Variants in PPIL6 observed in about 807,000 individuals in gnomAD.
PPIL6 encodes probable inactive peptidyl-prolyl cis-trans isomerase-like 6.
PPIL6 carries 39 observed loss-of-function variants against 36.8 expected under a neutral mutation model. That is an observed-to-expected ratio of 1.06 (90% CI 0.82 to 1.38). The LOEUF is 1.38. Among genes scored for constraint, PPIL6 ranks in the 40% most tolerant of loss-of-function variants. The pLI is 0.00. For synonymous variants in PPIL6, 123 were observed against 134.1 expected (o/e 0.92, Z 0.57); for missense variants, 368 against 379.1 (o/e 0.97, Z 0.24).
chr6:109,414,477 C>CTTTTTTTTT (rs146541023), intron 6 of PPIL6, among the ~76,000 whole-genome samples: 11 of 86,542 alleles, frequency 1.3e-4, no homozygotes, highest in East Asian at 3.3e-4. Context: ...TGTCTTTTAG[C>CTTTTTTTTT]TTTTTTTTTT....
chr6:109,428,576 C>T (rs1433972397), intron 3 of PPIL6, among the ~76,000 whole-genome samples: 1 of 149,566 alleles, frequency 6.7e-6, no homozygotes, highest in Non-Finnish European at 1.5e-5. Flanking sequence ...AAAAAACCAC[C>T]TTATTGAGCA....
intron 6 of PPIL6, among the ~76,000 whole-genome samples, chr6:109,411,978 G>A (rs1271314082): frequency 1.3e-5 from 2 of 152,128 alleles, no homozygotes; most frequent in African/African-American, 2.4e-5. Context: ...CTCCAGAGGT[G>A]GGGCTCAGAT....
chr6:109,393,858 C>G (rs113761688), intron 7 of PPIL6, among the ~76,000 whole-genome samples: 67 of 152,308 alleles, frequency 4.4e-4, no homozygotes, highest in African/African-American at 1.5e-3. Flanking sequence ...GGGAAGTTTC[C>G]CAGGCCACCT....
intron 1 of PPIL6, among the ~76,000 whole-genome samples, chr6:109,438,912 G>T (rs1205749191): frequency 1.3e-5 from 2 of 152,142 alleles, no homozygotes; most frequent in Non-Finnish European, 2.9e-5. Context: ...AAAATCAAAA[G>T]AATTGTATTT....
chr6:109,435,908 G>C (rs1473682747), intron 2 of PPIL6, among the ~76,000 whole-genome samples, 196 bp downstream of exon 2: 1 of 152,154 alleles, frequency 6.6e-6, no homozygotes, highest in Non-Finnish European at 1.5e-5. Context: ...CTGGGTAACA[G>C]AGTGAGACCC....
intron 6 of PPIL6, among the ~76,000 whole-genome samples, chr6:109,418,548 CTTT>C (rs796535898): frequency 1.5e-5 from 2 of 135,900 alleles, no homozygotes; most frequent in Non-Finnish European, 1.6e-5. Context: ...ATCTTTTTTT[CTTT>C]TTTTTTTTTT....
chr6:109,430,353 C>G (rs1264960290), intron 3 of PPIL6, among the ~76,000 whole-genome samples: 5 of 152,196 alleles, frequency 3.3e-5, no homozygotes, highest in Non-Finnish European at 7.3e-5. Context: ...CCTCATGCTT[C>G]ATGACTATCC....
intron 7 of PPIL6, among the ~76,000 whole-genome samples, chr6:109,396,263 A>C (rs918771888): frequency 6.6e-6 from 1 of 151,874 alleles, no homozygotes; most frequent in Non-Finnish European, 1.5e-5. Context: ...TTCATTCCTC[A>C]CTTCTGCTAA....
At chr6:109,412,825 A>G (rs1773071116) in intron 6 of PPIL6, among the ~76,000 whole-genome samples, 1 of 152,204 alleles carries the variant, frequency 6.6e-6, no homozygotes, top group Non-Finnish European at 1.5e-5. Context: ...AAATGGGATC[A>G]TATCAAGTTA....
chr6:109,417,537 C>G (rs1046478976), intron 6 of PPIL6, among the ~76,000 whole-genome samples: 1 of 152,166 alleles, frequency 6.6e-6, no homozygotes, highest in Non-Finnish European at 1.5e-5. Context: ...GCTCTTTATT[C>G]TCTTTATTCT....
Position 109,391,836 on chromosome 6 carries a change from G to A in PPIL6, c.*990C>T, listed in dbSNP as rs1015907090. 1.3e-5 allele frequency: 2 copies of A among 152,190 alleles called. No homozygotes were observed. The highest frequency in any genetic ancestry group is 2.4e-5 in the African/African-American group (1 of 41,438). The allele number at this position is 152,190 out of a possible 1,614,324, so 9.4% of individuals were successfully genotyped here. Reference sequence around the variant, plus strand: ...TGTCATATATGAAAACATCCAAAGTGTAGATACTCTTTCTGAATGCTGGTA... The same window carrying A: ...TGTCATATATGAAAACATCCAAAGTATAGATACTCTTTCTGAATGCTGGTA... On this transcript the variant is annotated 3_prime_UTR_variant, in exon 8 of 8. Coordinates refer to ENST00000521072, the MANE Select transcript of PPIL6 (RefSeq NM_173672.5).
intron 6 of PPIL6, among the ~76,000 whole-genome samples, chr6:109,417,681 C>G (rs1480067098): frequency 6.6e-6 from 1 of 152,174 alleles, no homozygotes; most frequent in Non-Finnish European, 1.5e-5. Context: ...AGAACTCTCA[C>G]ACTTGTATGC....
At chr6:109,437,548 CTTTTTTTTTTTTTTTTT>C (rs71551374) in intron 1 of PPIL6, among the ~76,000 whole-genome samples, 2 of 97,956 alleles carry the variant, frequency 2.0e-5, no homozygotes, top group Admixed American at 1.4e-4. Context: ...TATTTCTTTT[CTTTTTTTTTTTTTTTTT>C]TTTTTTTGAG....
intron 6 of PPIL6, among the ~76,000 whole-genome samples, chr6:109,404,531 T>A (rs982763785): frequency 2.6e-5 from 4 of 152,226 alleles, no homozygotes; most frequent in African/African-American, 9.6e-5. Flanking sequence ...GTTGATCTGT[T>A]TTAACATCTG....
intron 5 of PPIL6, among the ~76,000 whole-genome samples, chr6:109,423,238 C>T (rs11153180): frequency 0.31 from 47,095 of 151,816 alleles, 7,455 homozygotes; most frequent in Middle Eastern, 0.41. Context: ...CATGGTGGCG[C>T]GTGCCTGTAT....
upstream of PPIL6, chr6:109,441,122 A>T (rs772863478): frequency 6.2e-7 from 1 of 1,613,990 alleles, no homozygotes; most frequent in Non-Finnish European, 8.5e-7. Context: ...CTCCCCAACC[A>T]TGAAGCCCAA....
At position 109,431,770 on chromosome 6, in the gene PPIL6, TCAA is replaced by T. The variant is rs559026615; in HGVS notation, c.232-428_232-426del. Among the ~76,000 whole-genome samples, 124 of 152,352 alleles carry T rather than the reference TCAA, an allele frequency of 8.1e-4. 1 individual carries two copies. The highest frequency in any genetic ancestry group is 1.4e-3 in the Non-Finnish European group (92 of 68,030). ...CATAAAAAGCCATCCACCCTATAGT[TCAA>T]CAACATATAGCCAATTGCTAACCAA... is the stretch of plus-strand genomic sequence containing the variant. On this transcript the variant is annotated intron_variant, in intron 2 of 7. Transcript: ENST00000521072.
At position 109,438,423 on chromosome 6, in the gene PPIL6, G is replaced by GA. The variant is rs1228166703; in HGVS notation, c.135+2032dup. On this transcript the variant is annotated intron_variant, in intron 1 of 7. Coordinates refer to ENST00000521072, the MANE Select transcript of PPIL6 (RefSeq NM_173672.5). Reference sequence around the variant, plus strand: ...GAGACCCCCATCTCTTCCAAAAAAAGAAAAAAAAAACTAGCTGAATTTTCA... The same window carrying GA: ...GAGACCCCCATCTCTTCCAAAAAAAGAAAAAAAAAAACTAGCTGAATTTTCA... Among the ~76,000 whole-genome samples, 145 of 142,630 alleles carry GA rather than the reference G, an allele frequency of 1.0e-3. 1 individual carries two copies. Among genetic ancestry groups the GA allele is most frequent in the Middle Eastern group, 3.5e-3 (1 of 282 alleles). The allele number at this position is 142,630 out of a possible 152,430, so 93.6% of individuals were successfully genotyped here.
intron 1 of PPIL6, 55 bp downstream of exon 1, chr6:109,440,401 G>A (rs1455292305): frequency 2.6e-6 from 4 of 1,522,790 alleles, no homozygotes; most frequent in East Asian, 2.5e-5. Flanking sequence ...AGTCCACGCG[G>A]CCGAGAGCGG....
Sources: allele counts gnomAD v4.1 joint callset (sites outside exome capture counted in the v4.1 genomes callset), GRCh38; gene constraint gnomAD v4.1.1; transcripts MANE v1.5; gene names NCBI Gene and HGNC (gene_info 2026-07-23, HGNC 2026-07-21).